RPE65: variants seen among roughly 807,000 people sequenced by gnomAD.
RPE65 encodes retinoid isomerohydrolase RPE65, also known as retinoid isomerohydrolase.
RPE65 carries 58 observed loss-of-function variants against 68.5 expected under a neutral mutation model. The ratio of observed to expected loss-of-function variants is 0.85; its 90% CI spans 0.69 to 1.05. RPE65 has a LOEUF of 1.05. Ranked by LOEUF, RPE65 falls within the 50% of genes least tolerant of loss-of-function variation. The probability of loss-of-function intolerance (pLI) is 0.00; values close to 1 mark genes in which losing one functional copy is unlikely to be tolerated. For missense variants in RPE65, 643 were observed against 629.9 expected (o/e 1.02, Z -0.22); for synonymous variants, 220 against 222.2 (o/e 0.99, Z 0.09).
chr1:68,431,004 C>T lies in RPE65; in HGVS notation c.1450+61G>A, dbSNP rs938154058. The T allele has an allele frequency of 4.5e-5, 60 of 1,342,042 alleles. No individual in the cohort carries two copies. In the South Asian group the frequency reaches 5.1e-4, roughly 11 times the overall value. The allele number at this position is 1,342,042 out of a possible 1,614,324, so 83.1% of individuals were successfully genotyped here. A position where few individuals can be genotyped will look rare whatever the true frequency, so the allele number is the denominator to read the frequency against. On this transcript the variant is annotated intron_variant, in intron 13 of 13. Coordinates refer to ENST00000262340, the MANE Select transcript of RPE65 (RefSeq NM_000329.3). ...ATAATCAACCTTACTCCTTTCCTAA[C>T]GAACTAACATACAGAACTGCAGTAA...
Position 68,440,976 on chromosome 1 carries a change from C to T in RPE65, c.520G>A (p.Val174Ile). The change falls in exon 6 of 14, where the codon GTC becomes ATC. Residue 174 changes from valine (V) to isoleucine (I), a missense_variant. Physicochemically the swap from Val to Ile is conservative, Grantham distance 29 (BLOSUM62 3). Coordinates refer to ENST00000262340, the MANE Select transcript of RPE65 (RefSeq NM_000329.3). Reference sequence around the variant, plus strand: ...TGGGGGTGAGCAGTGGCCCCATTGACAGAGACATAGTTGCAAAGATCAACC... The same window carrying T: ...TGGGGGTGAGCAGTGGCCCCATTGATAGAGACATAGTTGCAAAGATCAACC... ...KQVDLCNYVSVNGATAHPHIE... is the reference protein window; with the variant it reads ...KQVDLCNYVSINGATAHPHIE... 6.2e-7 allele frequency: 1 copy of T among 1,613,928 alleles called. No individual in the cohort carries two copies. Among genetic ancestry groups the T allele is most frequent in the Non-Finnish European group, 8.5e-7 (1 of 1,179,890 alleles).
At chr1:68,441,450 G>A (rs1300875177) in intron 5 of RPE65, among the ~76,000 whole-genome samples, 1 of 151,836 alleles carries the variant, frequency 6.6e-6, no homozygotes, top group Non-Finnish European at 1.5e-5. Context: ...ACATGGTACT[G>A]TATGAGTTTG....
chr1:68,436,715 G>T (rs3125900), intron 10 of RPE65, among the ~76,000 whole-genome samples: 12 of 151,642 alleles, frequency 7.9e-5, no homozygotes, highest in Admixed American at 7.9e-4. Context: ...TGATGCACCC[G>T]CCTCGGCCTC....
intron 5 of RPE65, 139 bp downstream of exon 5, chr1:68,444,392 C>A (rs1571170027): frequency 9.1e-7 from 1 of 1,094,534 alleles, no homozygotes; most frequent in East Asian, 2.4e-5. Flanking sequence ...TCAGTGCAGT[C>A]CATTTGGAGC....
rs776433230 is a variant in RPE65 at position 68,440,919 on chromosome 1, C to T, written c.577G>A (p.Gly193Ser). 3.1e-6 allele frequency: 5 copies of T among 1,613,966 alleles called. No individual in the cohort carries two copies. The African/African-American group carries it at 6.7e-5, about 22-fold the overall frequency. Residue 193 changes from glycine (G) to serine (S), a missense_variant, in exon 6 of 14, where the codon GGT (glycine) becomes AGT (serine). Physicochemically the swap from Gly to Ser is moderately conservative, Grantham distance 56 (BLOSUM62 0). Transcript: ENST00000262340. ...GAAAAATTTTTTCCAAAGCAATTACCAATATTGTAAACGGTTCCATCATTT... is the reference window on the plus strand; with the variant it reads ...GAAAAATTTTTTCCAAAGCAATTACTAATATTGTAAACGGTTCCATCATTT... ...IENDGTVYNI[G>S]NCFGKNFSIA...
rs55988364 is a variant in RPE65, at chr1:68,448,781, G to A, written c.12-75C>T. On this transcript the variant is annotated intron_variant, in intron 1 of 13. Transcript: ENST00000262340. Reference sequence around the variant, plus strand: ...CGCAGAGATAGAGGCAGAGCTGCAGGAGAGAAGGCACTCTAGGGCTGGCTC... The same window carrying A: ...CGCAGAGATAGAGGCAGAGCTGCAGAAGAGAAGGCACTCTAGGGCTGGCTC... 2,468 of 1,200,812 alleles carry A rather than the reference G, an allele frequency of 2.1e-3. 28 individuals carry two copies. The African/African-American group carries it at 0.034, about 16-fold the overall frequency. The allele number at this position is 1,200,812 out of a possible 1,614,324, so 74.4% of individuals were successfully genotyped here.
At chr1:68,433,209 G>A (rs936293045) in intron 10 of RPE65, among the ~76,000 whole-genome samples, 1 of 152,162 alleles carries the variant, frequency 6.6e-6, no homozygotes, top group African/African-American at 2.4e-5. Context: ...ATTTAACAAC[G>A]AGTGAGTGTA....
rs545790360 is a variant in RPE65, at chr1:68,432,566, G to A, written c.1129-981C>T. Among the ~76,000 whole-genome samples the A allele has an allele frequency of 6.3e-3, 957 of 152,160 alleles. 7 individuals are homozygous for A. Among genetic ancestry groups the A allele is most frequent in the Non-Finnish European group, 9.3e-3 (635 of 67,988 alleles). On this transcript the variant is annotated intron_variant, in intron 10 of 13. Transcript: ENST00000262340. ...GAGGAGGATGCTGAGTGTGTTTGAG[G>A]AGCATCAAAGAGTCCAGTGTGGATT...
intron 10 of RPE65, among the ~76,000 whole-genome samples, chr1:68,431,830 T>G (rs933239936): frequency 4.0e-5 from 6 of 151,864 alleles, no homozygotes; most frequent in Non-Finnish European, 7.4e-5. Flanking sequence ...TTCTCTTCAG[T>G]AAAATGAGAC....
At chr1:68,447,891 AAAC>A (rs1202618531) in intron 2 of RPE65, among the ~76,000 whole-genome samples, 5 of 152,056 alleles carry the variant, frequency 3.3e-5, no homozygotes, top group African/African-American at 9.7e-5. Flanking sequence ...CAAACAAAAA[AAAC>A]CCCAGGTAGG....
At chr1:68,434,635 T>A (rs1053191450) in intron 10 of RPE65, among the ~76,000 whole-genome samples, 1 of 151,830 alleles carries the variant, frequency 6.6e-6, no homozygotes, top group Non-Finnish European at 1.5e-5. Flanking sequence ...TCTATGTCTA[T>A]GTTTAATATA....
At chr1:68,440,187 T>G (rs898305004) in intron 6 of RPE65, among the ~76,000 whole-genome samples, 4 of 152,172 alleles carry the variant, frequency 2.6e-5, no homozygotes, top group Non-Finnish European at 5.9e-5. Flanking sequence ...AGGACAAGGC[T>G]CAAGATTTGT....
chr1:68,443,440 C>A (rs1645917267), intron 5 of RPE65, among the ~76,000 whole-genome samples: 1 of 152,190 alleles, frequency 6.6e-6, no homozygotes, highest in Non-Finnish European at 1.5e-5. Context: ...CTGAGAAATG[C>A]TGCAAGTCTA....
Position 68,444,632 on chromosome 1 carries a change from C to T in RPE65, c.394G>A (p.Ala132Thr), listed in dbSNP as rs61752878. The T allele has an allele frequency of 1.7e-3, 2,677 of 1,614,094 alleles. 26 individuals are homozygous for T. Among genetic ancestry groups the T allele is most frequent in the South Asian group, 0.012 (1,064 of 91,076 alleles). Residue 132 changes from alanine to threonine, a missense_variant, in exon 5 of 14, where the codon GCC becomes ACC. By Grantham distance (58) the Ala-to-Thr change is moderately conservative (BLOSUM62 0). Transcript: ENST00000262340. ...CCCACTGGGTAGACATTAACAAGGG[C>T]ATTGTCAGTAACCTCTACTCCTCGA... is the stretch of plus-strand genomic sequence containing the variant. ...YFRGVEVTDN[A>T]LVNVYPVGED...
chr1:68,436,190 A>C (rs1444518454), intron 10 of RPE65, among the ~76,000 whole-genome samples: 1 of 152,150 alleles, frequency 6.6e-6, no homozygotes. Context: ...AGTTTACTGA[A>C]ATTAACTGAC....
At chr1:68,434,578 T>C (rs1442269753) in intron 10 of RPE65, among the ~76,000 whole-genome samples, 2 of 152,176 alleles carry the variant, frequency 1.3e-5, no homozygotes, top group African/African-American at 4.8e-5. Flanking sequence ...GCGAGGGGTG[T>C]GCACATGTAT....
At chr1:68,447,400 A>G (rs1645950319) in intron 2 of RPE65, among the ~76,000 whole-genome samples, 1 of 152,208 alleles carries the variant, frequency 6.6e-6, no homozygotes, top group East Asian at 1.9e-4. Context: ...GATGAAAGTC[A>G]ATCTGCTGTA....
chr1:68,431,283 C>T lies in RPE65; in HGVS notation c.1337G>A (p.Arg446Lys). The T allele has an allele frequency of 3.1e-6, 5 of 1,613,500 alleles. No homozygotes were observed. Among genetic ancestry groups the T allele is most frequent in the Non-Finnish European group, 3.4e-6 (4 of 1,179,574 alleles). Residue 446 changes from arginine (R) to lysine (K), a missense_variant and splice_region_variant, in exon 12 of 14, where the codon AGG becomes AAG. Coordinates refer to ENST00000262340, the MANE Select transcript of RPE65 (RefSeq NM_000329.3). ...GLGLNHFVPD[R>K]LCKLNVKTKE... ...ATATTAGTAAGAAGGATTAATTACCCTATCTGGAACAAAGTGATTCAAGCC... is the reference window on the plus strand; with the variant it reads ...ATATTAGTAAGAAGGATTAATTACCTTATCTGGAACAAAGTGATTCAAGCC...
intron 10 of RPE65, among the ~76,000 whole-genome samples, chr1:68,435,976 C>G (rs191463973): frequency 1.3e-5 from 2 of 152,150 alleles, no homozygotes; most frequent in Non-Finnish European, 2.9e-5. Flanking sequence ...AAAGAGGAGA[C>G]GGATTTGATG....
Sources: gnomAD v4.1 joint callset for allele counts (sites outside exome capture counted in the v4.1 genomes callset) on GRCh38, gnomAD v4.1.1 for gene constraint, MANE v1.5 for transcripts, NCBI Gene and HGNC (gene_info 2026-07-23, HGNC 2026-07-21) for gene names.